The following GRM7 variants were observed in gnomAD, a reference collection of about 807,000 sequenced individuals.
GRM7 encodes the protein metabotropic glutamate receptor 7.
GRM7 carries 35 observed loss-of-function variants against 84.5 expected under a neutral mutation model. The observed-to-expected ratio is 0.41, with a 90% CI of 0.32 to 0.55. The LOEUF is 0.55. GRM7 is among the 20% of genes least tolerant of loss of function. The pLI, the probability that GRM7 is intolerant of heterozygous loss-of-function variation, is 0.19. For synonymous variants in GRM7, 487 were observed against 455.1 expected (o/e 1.07, Z -0.89); for missense variants, 1,003 against 1,194.6 (o/e 0.84, Z 2.36).
chr3:7,562,137 C>T (rs554048604), intron 7 of GRM7, among the ~76,000 whole-genome samples: 6 of 152,078 alleles, frequency 3.9e-5, no homozygotes, highest in Admixed American at 2.0e-4. Context: ...TTGTAGGAAG[C>T]ATTAACCCAT....
rs772157224 is a variant in GRM7 at position 7,452,633 on chromosome 3, A to G, written c.1201A>G (p.Asn401Asp). 1 of 1,612,066 alleles carries G rather than the reference A, an allele frequency of 6.2e-7. No homozygotes were observed. The highest frequency in any genetic ancestry group is 1.7e-5 in the Admixed American group (1 of 59,952). The change falls in exon 6 of 10, where the codon AAC (asparagine) becomes GAC (aspartate). Residue 401 changes from asparagine (N) to aspartate (D), a missense_variant. Transcript: ENST00000357716. ...ACAGGAGAGAATTGGAAAAGATTCC[A>G]ACTATGAGCAGGAGGGTAAAGTCCA... ...TGQERIGKDS[N>D]YEQEGKVQFV...
Position 7,256,656 on chromosome 3 carries a change from C to A in GRM7, c.737-42028C>A, listed in dbSNP as rs188248559. Among the ~76,000 whole-genome samples, 216 of 151,772 alleles carry A rather than the reference C, an allele frequency of 1.4e-3. 1 individual carries two copies. Among genetic ancestry groups the A allele is most frequent in the African/African-American group, 2.0e-3 (83 of 41,418 alleles). On this transcript the variant is annotated intron_variant, in intron 2 of 9. Transcript: ENST00000357716. Reference sequence around the variant, plus strand: ...ATGCACACACACACATACACACACACACAAAAAATGAGACCAAGTCCCTAA... The same window carrying A: ...ATGCACACACACACATACACACACAAACAAAAAATGAGACCAAGTCCCTAA...
chr3:7,359,643 C>T lies in GRM7; in HGVS notation c.1033+52991C>T, dbSNP rs537782651. ...GCTGAGCCACCATGCCAGGTCAATCCTATTCCCTTTAAATGTCTCTATCTA... is the reference window on the plus strand; with the variant it reads ...GCTGAGCCACCATGCCAGGTCAATCTTATTCCCTTTAAATGTCTCTATCTA... On this transcript the variant is annotated intron_variant, in intron 4 of 9. Transcript: ENST00000357716. Among the ~76,000 whole-genome samples, 40 of 148,052 alleles carry T rather than the reference C, an allele frequency of 2.7e-4. 6 individuals carry two copies. Among genetic ancestry groups the T allele is most frequent in the African/African-American group, 9.7e-4 (38 of 39,132 alleles).
At chr3:7,461,543 G>A (rs370893643) in intron 6 of GRM7, 40 bp from the exon 7 acceptor site, 5 of 1,560,996 alleles carry the variant, frequency 3.2e-6, no homozygotes, top group Non-Finnish European at 4.4e-6. Context: ...AAGGAATCTT[G>A]TTTAACTTTA....
intron 8 of GRM7, among the ~76,000 whole-genome samples, chr3:7,678,993 G>T (rs1322073097): frequency 6.6e-6 from 1 of 152,114 alleles, no homozygotes; most frequent in African/African-American, 2.4e-5. Context: ...TGCCTTCATG[G>T]AACTTAAGGC....
At chr3:6,876,567 T>C (rs1014412048) in intron 1 of GRM7, among the ~76,000 whole-genome samples, 2 of 151,720 alleles carry the variant, frequency 1.3e-5, no homozygotes, top group Non-Finnish European at 2.9e-5. Context: ...CTCAGGTCAA[T>C]GTGACTGATA....
intron 7 of GRM7, among the ~76,000 whole-genome samples, chr3:7,511,274 A>G (rs976319987): frequency 1.3e-5 from 2 of 152,164 alleles, no homozygotes; most frequent in Admixed American, 1.3e-4. Context: ...GAAACTTAGA[A>G]AAAGGGACAG....
intron 2 of GRM7, among the ~76,000 whole-genome samples, chr3:7,245,856 C>T (rs1697737521): frequency 6.6e-6 from 1 of 151,932 alleles, no homozygotes; most frequent in Non-Finnish European, 1.5e-5. Flanking sequence ...TTGAGGCTTA[C>T]ATGAAGAAAT....
At chr3:7,476,467 A>G (rs1698925375) in intron 7 of GRM7, among the ~76,000 whole-genome samples, 1 of 152,166 alleles carries the variant, frequency 6.6e-6, no homozygotes, top group Non-Finnish European at 1.5e-5. Flanking sequence ...GAATCGCTTG[A>G]ACCCAGGAAG....
intron 1 of GRM7, among the ~76,000 whole-genome samples, chr3:7,050,541 C>T (rs912334154): frequency 2.0e-5 from 3 of 151,778 alleles, no homozygotes; most frequent in Non-Finnish European, 4.4e-5. Flanking sequence ...TGTAATTGGT[C>T]AAGTAGATTG....
intron 3 of GRM7, among the ~76,000 whole-genome samples, chr3:7,301,007 C>T (rs1193850218): frequency 2.0e-5 from 3 of 152,052 alleles, no homozygotes; most frequent in African/African-American, 7.2e-5. Context: ...TAACAATAAG[C>T]TTCTTTTTTT....
chr3:7,276,348 A>G (rs905977585), intron 2 of GRM7, among the ~76,000 whole-genome samples: 1 of 151,462 alleles, frequency 6.6e-6, no homozygotes, highest in Non-Finnish European at 1.5e-5. Context: ...TCCATCCCCA[A>G]TCTAGTTAAT....
intron 1 of GRM7, among the ~76,000 whole-genome samples, chr3:7,143,151 G>T (rs1405498526): frequency 6.6e-6 from 1 of 152,250 alleles, no homozygotes; most frequent in East Asian, 1.9e-4. Context: ...AGTGAAAATG[G>T]AAGTTAATTG....
At chr3:6,888,905 A>T (rs1001527074) in intron 1 of GRM7, among the ~76,000 whole-genome samples, 1 of 151,998 alleles carries the variant, frequency 6.6e-6, no homozygotes, top group East Asian at 1.9e-4. Context: ...TCTTTATTTC[A>T]TTGAGCAGTG....
At chr3:7,491,384 T>G (rs1021178663) in intron 7 of GRM7, among the ~76,000 whole-genome samples, 3 of 149,058 alleles carry the variant, frequency 2.0e-5, no homozygotes, top group Non-Finnish European at 4.4e-5. Flanking sequence ...ATTTGCATAA[T>G]AAAATATTAA....
intron 5 of GRM7, among the ~76,000 whole-genome samples, chr3:7,448,634 T>C (rs534778994): frequency 2.4e-4 from 37 of 152,182 alleles, no homozygotes; most frequent in African/African-American, 7.9e-4. Flanking sequence ...AAACATAAAC[T>C]TGTCACTTCT....
intron 2 of GRM7, among the ~76,000 whole-genome samples, chr3:7,244,135 T>C (rs1697666330): frequency 6.6e-6 from 1 of 152,136 alleles, no homozygotes; most frequent in Admixed American, 6.6e-5. Flanking sequence ...ATGAAAATTA[T>C]GTTTTCTTCA....
At chr3:7,070,223 C>T (rs1697816537) in intron 1 of GRM7, among the ~76,000 whole-genome samples, 1 of 151,740 alleles carries the variant, frequency 6.6e-6, no homozygotes, top group Non-Finnish European at 1.5e-5. Context: ...ATAATAGTTT[C>T]CAAAGTGTAT....
At chr3:7,714,927 G>C (rs1206578996) in intron 9 of GRM7, among the ~76,000 whole-genome samples, 1 of 152,170 alleles carries the variant, frequency 6.6e-6, no homozygotes, top group Non-Finnish European at 1.5e-5. Context: ...CAATGGCAAT[G>C]AACAGTCACC....
Sources: gnomAD v4.1 joint callset for allele counts (sites outside exome capture counted in the v4.1 genomes callset) on GRCh38, gnomAD v4.1.1 for gene constraint, MANE v1.5 for transcripts, NCBI Gene and HGNC (gene_info 2026-07-23, HGNC 2026-07-21) for gene names.